Variants in WDPCP observed in about 807,000 individuals in gnomAD.
WDPCP encodes WD repeat-containing and planar cell polarity effector protein fritz homolog.
In WDPCP, 71 loss-of-function variants were observed where a neutral mutation model predicts 93.1. The observed-to-expected ratio is 0.76, with a 90% CI of 0.63 to 0.93. The LOEUF is 0.93. WDPCP is among the 40% of genes least tolerant of loss of function. WDPCP has a pLI of 0.00. For missense variants in WDPCP, 844 were observed against 887.4 expected (o/e 0.95, Z 0.62); for synonymous variants, 315 against 315.0 (o/e 1.00, Z 0.00).
At chr2:63,405,558 T>TGTGC (rs1694505882) in intron 9 of WDPCP, among the ~76,000 whole-genome samples, 1 of 150,340 alleles carries the variant, frequency 6.7e-6, no homozygotes, top group Non-Finnish European at 1.5e-5. Flanking sequence ...TGTGTGTGTG[T>TGTGC]GTGTGTGTGT....
intron 1 of WDPCP, among the ~76,000 whole-genome samples, chr2:63,539,917 T>C (rs1159522824): frequency 6.6e-6 from 1 of 152,222 alleles, no homozygotes; most frequent in Non-Finnish European, 1.5e-5. Flanking sequence ...CATTCTTTAG[T>C]ACTTAATTTA....
At position 63,344,876 on chromosome 2, in the gene WDPCP, T is replaced by A. The variant is rs145542506; in HGVS notation, c.1749-31565A>T. On this transcript the variant is annotated intron_variant, in intron 12 of 17. Transcript: ENST00000272321. Reference sequence around the variant, plus strand: ...ACTAACCACACCAGAAATGTCCTTATGGCCACTATCACACTGGGAACTGGG... The same window carrying A: ...ACTAACCACACCAGAAATGTCCTTAAGGCCACTATCACACTGGGAACTGGG... Among the ~76,000 whole-genome samples, 472 of 152,302 alleles carry A rather than the reference T, an allele frequency of 3.1e-3. 2 individuals carry two copies. The highest frequency in any genetic ancestry group is 0.011 in the African/African-American group (465 of 41,566).
At chr2:63,165,269 C>T (rs941029495) in intron 15 of WDPCP, among the ~76,000 whole-genome samples, 1 of 152,050 alleles carries the variant, frequency 6.6e-6, no homozygotes, top group African/African-American at 2.4e-5. Context: ...TGAATTTTGT[C>T]AAAGGCATTT....
At chr2:63,370,319 G>A (rs1396737363) in intron 12 of WDPCP, among the ~76,000 whole-genome samples, 2 of 151,990 alleles carry the variant, frequency 1.3e-5, no homozygotes, top group African/African-American at 4.8e-5. Flanking sequence ...TTGAGGTTTT[G>A]CTATTGTTCC....
At chr2:63,285,430 T>A (rs1683919163) in intron 13 of WDPCP, among the ~76,000 whole-genome samples, 1 of 128,148 alleles carries the variant, frequency 7.8e-6, no homozygotes, top group East Asian at 2.2e-4. Flanking sequence ...TGAGACTCCA[T>A]CTCAAAAAAA....
intron 1 of WDPCP, among the ~76,000 whole-genome samples, chr2:63,562,161 A>G (rs1706676078): frequency 6.6e-6 from 1 of 152,244 alleles, no homozygotes; most frequent in African/African-American, 2.4e-5. Context: ...AAAATGTGGC[A>G]CATGTATGCC....
intron 17 of WDPCP, among the ~76,000 whole-genome samples, chr2:63,127,456 A>G (rs1370476742): frequency 6.6e-6 from 1 of 151,858 alleles, no homozygotes; most frequent in Non-Finnish European, 1.5e-5. Flanking sequence ...TTTTTAGAGG[A>G]AAGAATGAGA....
At chr2:63,588,572 C>T (rs886056227), upstream of WDPCP, 13 of 550,678 alleles carry the variant, frequency 2.4e-5, no homozygotes, top group East Asian at 2.9e-4. Flanking sequence ...CTTTACCTCC[C>T]ACGTTTACCC....
chr2:63,714,077 CG>C (rs1669299848), intron 2 of WDPCP, among the ~76,000 whole-genome samples: 1 of 138,126 alleles, frequency 7.2e-6, no homozygotes. Context: ...TTTTTTGAGA[CG>C]GAGTTTCATT....
intron 14 of WDPCP, among the ~76,000 whole-genome samples, chr2:63,230,230 C>T (rs978558610): frequency 6.6e-6 from 1 of 151,966 alleles, no homozygotes; most frequent in Non-Finnish European, 1.5e-5. Context: ...ATGATGGTTT[C>T]CAGCTTCATC....
At chr2:63,767,175 A>C (rs1670154350) in intron 2 of WDPCP, among the ~76,000 whole-genome samples, 1 of 152,204 alleles carries the variant, frequency 6.6e-6, no homozygotes, top group African/African-American at 2.4e-5. Flanking sequence ...TGTTTGTATC[A>C]ATAATTTATT....
chr2:63,369,416 T>G, intron 12 of WDPCP: 1 of 456,588 alleles, frequency 2.2e-6, no homozygotes, highest in Non-Finnish European at 4.4e-6. Context: ...CAGATGCAGT[T>G]CACTCTCTTA....
rs115093210 is a variant in WDPCP at position 63,305,320 on chromosome 2, C to T, written c.1812+7928G>A. 8.0e-3 allele frequency among the ~76,000 whole-genome samples: 1,218 copies of T among 152,162 alleles called. 17 individuals are homozygous for T. Among genetic ancestry groups the T allele is most frequent in the African/African-American group, 0.029 (1,187 of 41,516 alleles). ...CTGGGAGACATCTCCCAGCAGGGGT[C>T]AATAGACACCTCATACAAGAGAGCT... On this transcript the variant is annotated intron_variant, in intron 13 of 17. Transcript: ENST00000272321.
At chr2:63,291,191 A>G (rs915334854) in intron 13 of WDPCP, among the ~76,000 whole-genome samples, 4 of 63,210 alleles carry the variant, frequency 6.3e-5, no homozygotes, top group African/African-American at 4.6e-4. Flanking sequence ...TAGAATTTCT[A>G]TTTTGCTTTT....
At chr2:63,720,119 TA>T (rs1669393135) in intron 2 of WDPCP, among the ~76,000 whole-genome samples, 2 of 152,126 alleles carry the variant, frequency 1.3e-5, no homozygotes, top group Admixed American at 6.5e-5. Flanking sequence ...AGCCCTAGTT[TA>T]AAAATTGCTA....
At chr2:63,457,995 G>A (rs1698745859) in intron 6 of WDPCP, among the ~76,000 whole-genome samples, 1 of 151,978 alleles carries the variant, frequency 6.6e-6, no homozygotes, top group African/African-American at 2.4e-5. Flanking sequence ...GTGGTGGTGT[G>A]CACCTGTAGT....
intron 2 of WDPCP, among the ~76,000 whole-genome samples, chr2:63,665,192 T>A (rs920987797): frequency 6.6e-6 from 1 of 152,176 alleles, no homozygotes; most frequent in Non-Finnish European, 1.5e-5. Context: ...ACAACAGAAA[T>A]GCGTTGTCTC....
intron 13 of WDPCP, among the ~76,000 whole-genome samples, chr2:63,288,449 C>G (rs1684170192): frequency 1.3e-5 from 2 of 152,186 alleles, no homozygotes; most frequent in Non-Finnish European, 2.9e-5. Context: ...CCAAACCACA[C>G]AGCATCTATT....
chr2:63,137,557 T>C (rs1292647426), intron 17 of WDPCP, among the ~76,000 whole-genome samples: 3 of 152,178 alleles, frequency 2.0e-5, no homozygotes, highest in African/African-American at 7.2e-5. Context: ...TAGTTTAGTT[T>C]AATTGGATCC....
Sources: gnomAD v4.1 joint callset for allele counts (sites outside exome capture counted in the v4.1 genomes callset) on GRCh38, gnomAD v4.1.1 for gene constraint, MANE v1.5 for transcripts, NCBI Gene and HGNC (gene_info 2026-07-23, HGNC 2026-07-21) for gene names.